ZNF804A: variants seen among roughly 807,000 people sequenced by gnomAD.
ZNF804A encodes the protein zinc finger protein 804A.
A neutral mutation model predicts 16.5 loss-of-function variants in ZNF804A; 2 were observed. That is an observed-to-expected ratio of 0.12 (90% CI 0.05 to 0.38). The LOEUF is 0.38. Among genes scored for constraint, ZNF804A ranks in the 10% least tolerant of loss-of-function variants. ZNF804A has a pLI of 0.99. For missense variants in ZNF804A, 1,473 were observed against 1,390.7 expected (o/e 1.06, Z -0.94); for synonymous variants, 534 against 489.6 (o/e 1.09, Z -1.20).
At chr2:184,829,471 T>C (rs900885425) in intron 1 of ZNF804A, among the ~76,000 whole-genome samples, 3 of 152,012 alleles carry the variant, frequency 2.0e-5, no homozygotes, top group Non-Finnish European at 4.4e-5. Context: ...ATTCTGTATA[T>C]GTTAGAGGGC....
At chr2:184,889,465 G>T (rs1447189482) in intron 2 of ZNF804A, among the ~76,000 whole-genome samples, 1 of 151,806 alleles carries the variant, frequency 6.6e-6, no homozygotes, top group Non-Finnish European at 1.5e-5. Flanking sequence ...TGAATCATTT[G>T]ATTGGAAATT....
chr2:184,893,485 G>A (rs983439203), intron 2 of ZNF804A, among the ~76,000 whole-genome samples: 1 of 151,874 alleles, frequency 6.6e-6, no homozygotes, highest in African/African-American at 2.4e-5. Flanking sequence ...CAAATTGCTA[G>A]GATCATTATA....
intron 1 of ZNF804A, among the ~76,000 whole-genome samples, chr2:184,707,188 T>C (rs897829552): frequency 6.6e-6 from 1 of 152,160 alleles, no homozygotes; most frequent in South Asian, 2.1e-4. Flanking sequence ...GTGTTCTTCC[T>C]TTCTCTGAAA....
At chr2:184,789,111 C>T (rs991929479) in intron 1 of ZNF804A, among the ~76,000 whole-genome samples, 24 of 151,908 alleles carry the variant, frequency 1.6e-4, no homozygotes, top group African/African-American at 5.8e-4. Context: ...GGTTTTTGTA[C>T]TTAGTTCTGT....
chr2:184,814,908 T>C (rs992318330), intron 1 of ZNF804A, among the ~76,000 whole-genome samples: 2 of 151,988 alleles, frequency 1.3e-5, no homozygotes, highest in Non-Finnish European at 2.9e-5. Flanking sequence ...GGCCTGACAT[T>C]TTTAAATACC....
At chr2:184,773,036 GTATA>G (rs199792757) in intron 1 of ZNF804A, among the ~76,000 whole-genome samples, 1 of 146,886 alleles carries the variant, frequency 6.8e-6, no homozygotes, top group Non-Finnish European at 1.5e-5. Flanking sequence ...ATATATATGT[GTATA>G]TATATATTTT....
At chr2:184,695,739 G>C (rs1282273828) in intron 1 of ZNF804A, among the ~76,000 whole-genome samples, 1 of 151,934 alleles carries the variant, frequency 6.6e-6, no homozygotes, top group Non-Finnish European at 1.5e-5. Context: ...CTTATAGCAG[G>C]TATTTAGGGC....
chr2:184,779,661 C>G (rs1694344194), intron 1 of ZNF804A, among the ~76,000 whole-genome samples: 1 of 151,552 alleles, frequency 6.6e-6, no homozygotes, highest in Non-Finnish European at 1.5e-5. Context: ...ATGGTTATTG[C>G]TGGATTTGGA....
At position 184,599,088 on chromosome 2, in the gene ZNF804A, C is replaced by CCTCT. The variant is rs10689377; in HGVS notation, c.111+30_111+33dup. 288 of 1,364,464 alleles carry CCTCT rather than the reference C, an allele frequency of 2.1e-4. No homozygotes were observed. Among genetic ancestry groups the CCTCT allele is most frequent in the African/African-American group, 3.5e-4 (24 of 68,684 alleles). The allele number at this position is 1,364,464 out of a possible 1,614,324, so 84.5% of individuals were successfully genotyped here. ...AAACTCTGGTAATCGCTTCTGTTTTCCTCTCTCTCTCTCTCATATTTAAGA... is the reference window on the plus strand; with the variant it reads ...AAACTCTGGTAATCGCTTCTGTTTTCCTCTCTCTCTCTCTCTCTCATATTTAAGA... On this transcript the variant is annotated intron_variant, in intron 1 of 3. Coordinates refer to ENST00000302277, the MANE Select transcript of ZNF804A (RefSeq NM_194250.2).
intron 1 of ZNF804A, among the ~76,000 whole-genome samples, chr2:184,765,657 C>T (rs187835839): frequency 2.8e-5 from 4 of 142,620 alleles, no homozygotes; most frequent in East Asian, 4.6e-4. Flanking sequence ...ATTGCTCAGT[C>T]GGGGAGCTCA....
intron 2 of ZNF804A, among the ~76,000 whole-genome samples, chr2:184,924,554 C>A (rs1685578503): frequency 6.6e-6 from 1 of 150,660 alleles, no homozygotes. Context: ...ACTTCATATT[C>A]ATTTATTTCC....
chr2:184,767,228 A>G (rs1694142187), intron 1 of ZNF804A, among the ~76,000 whole-genome samples: 1 of 152,224 alleles, frequency 6.6e-6, no homozygotes, highest in South Asian at 2.1e-4. Context: ...GCAGATAGAC[A>G]TAATGGAGTA....
At position 184,935,941 on chromosome 2, in the gene ZNF804A, C is replaced by T; in HGVS notation, c.545C>T (p.Thr182Ile). 6.2e-7 allele frequency: 1 copy of T among 1,613,976 alleles called. No homozygotes were observed. Among genetic ancestry groups the T allele is most frequent in the African/African-American group, 1.3e-5 (1 of 75,048 alleles). ...HSEENTKDAT[T>I]VAEDPESANN... ...GAAGAGAATACTAAAGATGCTACCACTGTTGCTGAAGATCCAGAAAGTGCA... is the reference window on the plus strand; with the variant it reads ...GAAGAGAATACTAAAGATGCTACCATTGTTGCTGAAGATCCAGAAAGTGCA... Residue 182 changes from threonine to isoleucine, a missense_variant, in exon 4 of 4, where the codon ACT becomes ATT. Coordinates refer to ENST00000302277, the MANE Select transcript of ZNF804A (RefSeq NM_194250.2).
In ZNF804A at chr2:184,783,138, GTTTTTTTTTTTTT is replaced by G. The variant is rs57207733; in HGVS notation, c.112-83218_112-83206del. On this transcript the variant is annotated intron_variant, in intron 1 of 3. Coordinates refer to ENST00000302277, the MANE Select transcript of ZNF804A (RefSeq NM_194250.2). ...AAAAAAGAATTATATAAAAGAGTGA[GTTTTTTTTTTTTT>G]TTTTTTTTTTTTAGGTAATACATTT... Among the ~76,000 whole-genome samples, 9 of 86,120 alleles carry G rather than the reference GTTTTTTTTTTTTT, an allele frequency of 1.0e-4. 2 individuals are homozygous for G. The allele number at this position is 86,120 out of a possible 152,430, so 56.5% of individuals were successfully genotyped here.
intron 1 of ZNF804A, among the ~76,000 whole-genome samples, chr2:184,755,572 G>T (rs560300613): frequency 1.3e-5 from 2 of 151,936 alleles, no homozygotes; most frequent in Admixed American, 1.3e-4. Flanking sequence ...GTTTTAGAAC[G>T]CAATAAAAAT....
chr2:184,632,739 C>T (rs1171949586), intron 1 of ZNF804A, among the ~76,000 whole-genome samples: 1 of 152,174 alleles, frequency 6.6e-6, no homozygotes, highest in Non-Finnish European at 1.5e-5. Flanking sequence ...CTTATATTCC[C>T]TTTCTAAACC....
chr2:184,936,256 A>C lies in ZNF804A; in HGVS notation c.860A>C (p.Asp287Ala). The stretch of plus-strand genomic sequence containing the variant: ...CATCCACCAGAGGCAATGTGCAGAG[A>C]CAAAGAAACTGTTCAAACTCAAGAG... Reference protein sequence around the residue: ...SFHPPEAMCRDKETVQTQEIK... With the variant: ...SFHPPEAMCRAKETVQTQEIK... Residue 287 changes from aspartate to alanine, a missense_variant, in exon 4 of 4, where the codon GAC (aspartate) becomes GCC (alanine). Coordinates refer to ENST00000302277, the MANE Select transcript of ZNF804A (RefSeq NM_194250.2). 1 of 1,614,044 alleles carries C rather than the reference A, an allele frequency of 6.2e-7. No individual in the cohort carries two copies. The highest frequency in any genetic ancestry group is 8.5e-7 in the Non-Finnish European group (1 of 1,179,978).
At chr2:184,632,717 T>A (rs1327983832) in intron 1 of ZNF804A, among the ~76,000 whole-genome samples, 1 of 152,218 alleles carries the variant, frequency 6.6e-6, no homozygotes, top group Non-Finnish European at 1.5e-5. Context: ...TCAAATGAAA[T>A]GGCTTAACTA....
At chr2:184,695,377 C>T (rs1297595114) in intron 1 of ZNF804A, among the ~76,000 whole-genome samples, 1 of 142,040 alleles carries the variant, frequency 7.0e-6, no homozygotes, top group East Asian at 2.3e-4. Flanking sequence ...AGGAGAATGG[C>T]GTGAACCCGG....
Sources: gnomAD v4.1 joint callset for allele counts (sites outside exome capture counted in the v4.1 genomes callset) on GRCh38, gnomAD v4.1.1 for gene constraint, MANE v1.5 for transcripts, NCBI Gene and HGNC (gene_info 2026-07-23, HGNC 2026-07-21) for gene names.